UNC5C: variants seen among roughly 807,000 people sequenced by gnomAD.
The protein encoded by UNC5C is netrin receptor UNC5C.
A neutral mutation model predicts 99.8 loss-of-function variants in UNC5C; 47 were observed. The observed-to-expected ratio is 0.47, with a 90% confidence interval of 0.37 to 0.60. UNC5C has a LOEUF of 0.60. Among genes scored for constraint, UNC5C ranks in the 20% least tolerant of loss-of-function variants. UNC5C has a pLI of 0.00. For synonymous variants in UNC5C, 487 were observed against 452.2 expected (o/e 1.08, Z -0.98); for missense variants, 1,062 against 1,165.9 (o/e 0.91, Z 1.30).
At chr4:95,537,037 C>T (rs1477651893) in intron 1 of UNC5C, among the ~76,000 whole-genome samples, 1 of 152,102 alleles carries the variant, frequency 6.6e-6, no homozygotes, top group Non-Finnish European at 1.5e-5. Context: ...GAAATCTCTG[C>T]CACCCCACTA....
intron 7 of UNC5C, among the ~76,000 whole-genome samples, chr4:95,233,179 A>C (rs1233070876): frequency 1.3e-5 from 2 of 152,204 alleles, no homozygotes; most frequent in African/African-American, 2.4e-5. Context: ...TCTGAGAATT[A>C]ATAGAAGAGC....
intron 1 of UNC5C, among the ~76,000 whole-genome samples, chr4:95,465,633 G>T (rs989761396): frequency 9.2e-5 from 14 of 152,044 alleles, no homozygotes; most frequent in Admixed American, 3.3e-4. Context: ...AACATATGGG[G>T]TGCGTAAAAA....
chr4:95,493,565 GA>G (rs886993234), intron 1 of UNC5C, among the ~76,000 whole-genome samples: 7 of 150,842 alleles, frequency 4.6e-5, no homozygotes, highest in African/African-American at 1.5e-4. Flanking sequence ...TTTAATCTGG[GA>G]AAAAATGGTA....
intron 1 of UNC5C, among the ~76,000 whole-genome samples, chr4:95,443,000 G>A (rs561612194): frequency 4.6e-5 from 7 of 152,222 alleles, no homozygotes; most frequent in African/African-American, 1.7e-4. Context: ...ATTCCAGTTG[G>A]GGAGCATGAG....
At chr4:95,318,381 G>A (rs13116085) in intron 2 of UNC5C, among the ~76,000 whole-genome samples, 65,506 of 151,976 alleles carry the variant, frequency 0.43, 16,252 homozygotes, top group East Asian at 0.83. Flanking sequence ...GGGCAGCTCT[G>A]CTGGATTTCA....
intron 12 of UNC5C, among the ~76,000 whole-genome samples, chr4:95,191,381 A>G (rs1255729326): frequency 6.6e-6 from 1 of 152,144 alleles, no homozygotes; most frequent in Non-Finnish European, 1.5e-5. Context: ...CTATTAGAGT[A>G]TGACAAGTCT....
intron 1 of UNC5C, among the ~76,000 whole-genome samples, chr4:95,418,697 G>T (rs1486200842): frequency 6.6e-6 from 1 of 152,166 alleles, no homozygotes; most frequent in Non-Finnish European, 1.5e-5. Flanking sequence ...TAGAAAACAT[G>T]TTATCAAATA....
intron 1 of UNC5C, among the ~76,000 whole-genome samples, chr4:95,499,996 A>G (rs1026508469): frequency 2.6e-5 from 4 of 152,074 alleles, no homozygotes; most frequent in South Asian, 4.1e-4. Context: ...CATCCTTGGA[A>G]GACTTAATAC....
Position 95,216,162 on chromosome 4 carries a change from G to T in UNC5C, c.1695C>A (p.Tyr565Ter). Reference protein sequence around the residue: ...PAGAIPQGRVYEMYVTVHRKE... With the variant: ...PAGAIPQGRV ...TCCTGTGTACAGTCACATACATTTC[G>T]TAGACTCTCCCTTGGGGAATGGCCC... is the stretch of plus-strand genomic sequence containing the variant. Residue 565 changes from tyrosine (Y) to a stop codon, truncating the protein, a stop_gained, in exon 10 of 16, where the codon TAC becomes TAA. Transcript: ENST00000453304. LOFTEE classifies it high-confidence loss of function. The T allele has an allele frequency of 6.2e-7, 1 of 1,613,642 alleles. No homozygotes were observed. The highest frequency in any genetic ancestry group is 8.5e-7 in the Non-Finnish European group (1 of 1,179,892).
chr4:95,243,462 A>AT (rs1320894549), intron 6 of UNC5C, among the ~76,000 whole-genome samples: 1 of 152,208 alleles, frequency 6.6e-6, no homozygotes, highest in East Asian at 1.9e-4. Context: ...CAAAAATAGG[A>AT]TAAAAATATT....
rs1163235696 is a variant in UNC5C at position 95,166,520 on chromosome 4, GACAA to G, written c.*2710_*2713del. On this transcript the variant is annotated 3_prime_UTR_variant, in exon 16 of 16. Transcript: ENST00000453304. ...CAAGGGTTCTCAGTGACTTCAGTAA[GACAA>G]ACAATTCCTGTTTGTGTTCAATAGT... 2 of 152,170 alleles carry G rather than the reference GACAA, an allele frequency of 1.3e-5. No individual in the cohort carries two copies. Among genetic ancestry groups the G allele is most frequent in the Non-Finnish European group, 1.5e-5 (1 of 68,032 alleles). 9.4% of individuals were successfully genotyped at this position (152,170 alleles called of 1,614,324 possible).
At position 95,533,200 on chromosome 4, in the gene UNC5C, A is replaced by G. The variant is rs572649537; in HGVS notation, c.124+15534T>C. 1.5e-3 allele frequency among the ~76,000 whole-genome samples: 227 copies of G among 152,264 alleles called. 1 individual carries two copies. The highest frequency in any genetic ancestry group is 4.6e-3 in the Admixed American group (70 of 15,282). Reference sequence around the variant, plus strand: ...ATCACGAGATCAGCAGTTCGAGACCAGCCTGACCAACATGGTAAAACCCCG... The same window carrying G: ...ATCACGAGATCAGCAGTTCGAGACCGGCCTGACCAACATGGTAAAACCCCG... On this transcript the variant is annotated intron_variant, in intron 1 of 15. Coordinates refer to ENST00000453304, the MANE Select transcript of UNC5C (RefSeq NM_003728.4).
intron 3 of UNC5C, among the ~76,000 whole-genome samples, chr4:95,292,012 C>G (rs1299377614): frequency 6.6e-6 from 1 of 151,766 alleles, no homozygotes; most frequent in Non-Finnish European, 1.5e-5. Flanking sequence ...TATAGTATGA[C>G]CTTCATCTTT....
chr4:95,430,662 A>AAAATATATTC (rs1746611174), intron 1 of UNC5C, among the ~76,000 whole-genome samples: 1 of 152,166 alleles, frequency 6.6e-6, no homozygotes, highest in African/African-American at 2.4e-5. Flanking sequence ...ATCTTCAAAT[A>AAAATATATTC]AAATATATTC....
chr4:95,351,001 AT>A (rs35283101), intron 1 of UNC5C, among the ~76,000 whole-genome samples: 23,165 of 152,132 alleles, frequency 0.15, 2,004 homozygotes, highest in Admixed American at 0.2. Context: ...CAACATCTAG[AT>A]TATTGTTTGA....
intron 1 of UNC5C, among the ~76,000 whole-genome samples, chr4:95,404,794 C>T (rs974008030): frequency 5.3e-5 from 8 of 152,186 alleles, no homozygotes; most frequent in Admixed American, 4.6e-4. Context: ...CCCATATAAA[C>T]CCTGAACCCC....
intron 1 of UNC5C, among the ~76,000 whole-genome samples, chr4:95,541,244 G>C (rs1402368095): frequency 6.6e-6 from 1 of 152,156 alleles, no homozygotes; most frequent in African/African-American, 2.4e-5. Flanking sequence ...GTTTTAAACT[G>C]CATGGAGCTC....
At chr4:95,228,807 A>G (rs1176981673) in intron 7 of UNC5C, among the ~76,000 whole-genome samples, 12 of 152,218 alleles carry the variant, frequency 7.9e-5, no homozygotes, top group Non-Finnish European at 8.8e-5. Context: ...ATTATCATTT[A>G]TAGTCATGAC....
chr4:95,269,832 C>A (rs1740591319), intron 4 of UNC5C, among the ~76,000 whole-genome samples: 1 of 152,022 alleles, frequency 6.6e-6, no homozygotes, highest in African/African-American at 2.4e-5. Flanking sequence ...CCTGCCTCAG[C>A]CTCCCAAGTA....
Sources: allele counts gnomAD v4.1 joint callset (sites outside exome capture counted in the v4.1 genomes callset), GRCh38; gene constraint gnomAD v4.1.1; transcripts MANE v1.5; gene names NCBI Gene and HGNC (gene_info 2026-07-23, HGNC 2026-07-21).